The following GRM8 variants were observed in gnomAD, a reference collection of about 807,000 sequenced individuals.
GRM8 encodes the protein metabotropic glutamate receptor 8.
A neutral mutation model predicts 87.2 loss-of-function variants in GRM8; 47 were observed. The observed-to-expected ratio is 0.54, with a 90% CI of 0.43 to 0.69. The LOEUF (loss-of-function observed/expected upper bound fraction) is 0.69. Among genes scored for constraint, GRM8 ranks in the 30% least tolerant of loss-of-function variants. The probability of loss-of-function intolerance (pLI) is 0.00; values close to 1 mark genes in which losing one functional copy is unlikely to be tolerated. For synonymous variants in GRM8, 396 were observed against 404.5 expected, an observed-to-expected ratio of 0.98 and a Z score of 0.25; for missense variants, 1,019 against 1,139.2, an observed-to-expected ratio of 0.89 and a Z score of 1.52.
chr7:126,708,270 T>C (rs913937153), intron 7 of GRM8, among the ~76,000 whole-genome samples: 1 of 152,062 alleles, frequency 6.6e-6, no homozygotes, highest in Non-Finnish European at 1.5e-5. Flanking sequence ...CTTTTGTACA[T>C]AGTTCGTGGG....
chr7:126,885,436 A>G (rs1800397592), intron 6 of GRM8, among the ~76,000 whole-genome samples: 1 of 152,164 alleles, frequency 6.6e-6, no homozygotes, highest in African/African-American at 2.4e-5. Flanking sequence ...AATCATTCCA[A>G]GACTAACCCC....
intron 3 of GRM8, among the ~76,000 whole-genome samples, chr7:126,958,783 G>A (rs1586597066): frequency 6.6e-6 from 1 of 152,222 alleles, no homozygotes; most frequent in East Asian, 1.9e-4. Context: ...TAATCTAAAG[G>A]GAAAAGATCC....
In GRM8 at chr7:126,909,712, C is replaced by T. The variant is rs139468176; in HGVS notation, c.728-5029G>A. 4.4e-3 allele frequency among the ~76,000 whole-genome samples: 677 copies of T among 152,182 alleles called. 3 individuals carry two copies. The highest frequency in any genetic ancestry group is 0.014 in the South Asian group (68 of 4,820). ...AATTTAACACTTTATGTATACTTTA[C>T]AATACACATGATCACTCCTTTCCAG... On this transcript the variant is annotated intron_variant, in intron 3 of 10. Coordinates refer to ENST00000339582, the MANE Select transcript of GRM8 (RefSeq NM_000845.3).
chr7:127,161,353 C>A (rs1031668872), intron 2 of GRM8, among the ~76,000 whole-genome samples: 1 of 152,132 alleles, frequency 6.6e-6, no homozygotes. Context: ...GAGGTCCAGG[C>A]TCTACTGGAA....
intron 7 of GRM8, among the ~76,000 whole-genome samples, chr7:126,732,594 A>G (rs1237851966): frequency 5.3e-5 from 8 of 152,152 alleles, no homozygotes; most frequent in Non-Finnish European, 8.8e-5. Flanking sequence ...AGAGAGCTTT[A>G]TAAAGCAGAT....
rs1801145435 is a variant in GRM8 at position 126,438,997 on chromosome 7, G to A, written c.*122C>T. The A allele has an allele frequency of 4.1e-6, 3 of 732,592 alleles. No individual in the cohort carries two copies. The Admixed American group carries it at 5.7e-5, about 14-fold the overall frequency. 45.4% of individuals were successfully genotyped at this position (732,592 alleles called of 1,614,324 possible). ...CATGGCTAATTTTTGTTCCTTACAA[G>A]ACTGACTATTGATTTGATTGATTGT... On this transcript the variant is annotated 3_prime_UTR_variant, in exon 11 of 11. Coordinates refer to ENST00000339582, the MANE Select transcript of GRM8 (RefSeq NM_000845.3).
chr7:127,090,486 T>C (rs1273662215), intron 3 of GRM8, among the ~76,000 whole-genome samples: 1 of 152,232 alleles, frequency 6.6e-6, no homozygotes. Flanking sequence ...ATCAGATTTA[T>C]CTACTTCTGA....
intron 7 of GRM8, among the ~76,000 whole-genome samples, chr7:126,738,089 T>C (rs10487458): frequency 0.74 from 112,214 of 152,042 alleles, 41,870 homozygotes; most frequent in Non-Finnish European, 0.78. Flanking sequence ...TGTGCTATCA[T>C]AAAGGTGGGC....
intron 7 of GRM8, among the ~76,000 whole-genome samples, chr7:126,763,011 T>G (rs1464438377): frequency 1.3e-5 from 2 of 151,906 alleles, no homozygotes; most frequent in African/African-American, 4.8e-5. Flanking sequence ...TTATTAACAT[T>G]TACAAGTTTT....
At chr7:126,947,526 T>C (rs1375769990) in intron 3 of GRM8, among the ~76,000 whole-genome samples, 1 of 151,940 alleles carries the variant, frequency 6.6e-6, no homozygotes, top group East Asian at 1.9e-4. Context: ...TCTTAATGTA[T>C]ATATATTGTA....
At chr7:126,740,765 G>T (rs1814877807) in intron 7 of GRM8, among the ~76,000 whole-genome samples, 1 of 152,128 alleles carries the variant, frequency 6.6e-6, no homozygotes, top group African/African-American at 2.4e-5. Flanking sequence ...GCAGAGTCTT[G>T]TCTTAAAGAT....
chr7:127,210,440 A>G (rs1351922297), intron 2 of GRM8, among the ~76,000 whole-genome samples: 6 of 152,226 alleles, frequency 3.9e-5, no homozygotes, highest in Non-Finnish European at 8.8e-5. Flanking sequence ...AACACCAAAC[A>G]ATGGAGCAGT....
intron 3 of GRM8, among the ~76,000 whole-genome samples, chr7:126,974,853 G>A (rs1394346482): frequency 1.4e-5 from 2 of 145,716 alleles, no homozygotes; most frequent in Non-Finnish European, 3.0e-5. Context: ...GGAGAATGTC[G>A]TGAACTCGGG....
chr7:127,021,348 T>C (rs1157126151), intron 3 of GRM8, among the ~76,000 whole-genome samples: 3 of 151,760 alleles, frequency 2.0e-5, no homozygotes, highest in African/African-American at 7.3e-5. Flanking sequence ...GGAAATTTTT[T>C]TTAAAGAAAT....
At chr7:127,189,573 T>G (rs1273620713) in intron 2 of GRM8, among the ~76,000 whole-genome samples, 1 of 152,186 alleles carries the variant, frequency 6.6e-6, no homozygotes, top group Non-Finnish European at 1.5e-5. Flanking sequence ...TGTGGCCTAA[T>G]GACTGTCTGA....
At chr7:126,500,540 A>G (rs1809483511) in intron 9 of GRM8, among the ~76,000 whole-genome samples, 1 of 152,014 alleles carries the variant, frequency 6.6e-6, no homozygotes, top group Non-Finnish European at 1.5e-5. Flanking sequence ...TCAGAGGACT[A>G]AGCTCTACCT....
At chr7:126,937,138 A>G (rs769668679) in intron 3 of GRM8, among the ~76,000 whole-genome samples, 1 of 152,160 alleles carries the variant, frequency 6.6e-6, no homozygotes, top group Non-Finnish European at 1.5e-5. Flanking sequence ...AGAATCTCCT[A>G]TATTCTCCTA....
rs531623009 is a variant in GRM8, at chr7:126,464,548, C to T, written c.2431-18176G>A. On this transcript the variant is annotated intron_variant, in intron 9 of 10. Coordinates refer to ENST00000339582, the MANE Select transcript of GRM8 (RefSeq NM_000845.3). ...TCTGATTGTTTTGTGGTCTTCTCTT[C>T]CTTCCTTCCTGACTTCCTTTCAGTG... Among the ~76,000 whole-genome samples, 20 of 151,702 alleles carry T rather than the reference C, an allele frequency of 1.3e-4. No homozygotes were observed. In the South Asian group the frequency reaches 3.7e-3, roughly 28 times the overall value.
chr7:126,618,349 T>A (rs1386692596), intron 7 of GRM8, among the ~76,000 whole-genome samples: 1 of 152,200 alleles, frequency 6.6e-6, no homozygotes, highest in Non-Finnish European at 1.5e-5. Flanking sequence ...ACTGGATCCC[T>A]TCCTTACACC....
Sources: gnomAD v4.1 joint callset for allele counts (sites outside exome capture counted in the v4.1 genomes callset) on GRCh38, gnomAD v4.1.1 for gene constraint, MANE v1.5 for transcripts, NCBI Gene and HGNC (gene_info 2026-07-23, HGNC 2026-07-21) for gene names.